Variants in LRMDA observed in about 807,000 individuals in gnomAD.
LRMDA encodes the protein leucine-rich melanocyte differentiation-associated protein.
LRMDA carries 18 observed loss-of-function variants against 29.8 expected under a neutral mutation model. The ratio of observed to expected loss-of-function variants is 0.60; its 90% CI spans 0.42 to 0.90. The LOEUF (loss-of-function observed/expected upper bound fraction) is 0.90, where lower values mean the gene tolerates loss of function less well. LRMDA is among the 40% of genes least tolerant of loss of function. The pLI is 0.00. For missense variants in LRMDA, 273 were observed against 273.9 expected (o/e 1.00, Z 0.02); for synonymous variants, 125 against 109.4 (o/e 1.14, Z -0.89).
intron 2 of LRMDA, among the ~76,000 whole-genome samples, chr10:75,618,102 T>C (rs1266292143): frequency 1.3e-5 from 2 of 152,236 alleles, no homozygotes; most frequent in African/African-American, 4.8e-5. Flanking sequence ...AAACTGCTCT[T>C]GTATTGCTGT....
intron 5 of LRMDA, among the ~76,000 whole-genome samples, chr10:76,266,632 T>A (rs2132315794): frequency 6.6e-6 from 1 of 152,300 alleles, no homozygotes; most frequent in African/African-American, 2.4e-5. Flanking sequence ...GGGCTTCAGC[T>A]TAGGTCTGTC....
intron 2 of LRMDA, among the ~76,000 whole-genome samples, chr10:75,770,684 G>A (rs1444055039): frequency 1.3e-5 from 2 of 152,168 alleles, no homozygotes; most frequent in Admixed American, 6.5e-5. Context: ...GTGGGGTGGG[G>A]CAAGAGAATG....
chr10:76,491,226 G>A (rs926081932), intron 6 of LRMDA, among the ~76,000 whole-genome samples: 46 of 151,918 alleles, frequency 3.0e-4, no homozygotes, highest in Non-Finnish European at 5.2e-4. Flanking sequence ...CAATTGCAGT[G>A]TTATAATATT....
At chr10:75,467,165 G>A (rs868021990) in intron 2 of LRMDA, among the ~76,000 whole-genome samples, 1 of 152,178 alleles carries the variant, frequency 6.6e-6, no homozygotes, top group African/African-American at 2.4e-5. Flanking sequence ...CCTGGAGGGG[G>A]TGGAAAGGGG....
chr10:75,952,513 T>C (rs1309955821), intron 2 of LRMDA, among the ~76,000 whole-genome samples: 2 of 152,120 alleles, frequency 1.3e-5, no homozygotes, highest in Non-Finnish European at 2.9e-5. Context: ...CTCTCTCTGA[T>C]CACACATTAC....
chr10:75,910,056 A>T (rs1466753306), intron 2 of LRMDA, among the ~76,000 whole-genome samples: 3 of 152,216 alleles, frequency 2.0e-5, no homozygotes, highest in Admixed American at 6.5e-5. Context: ...CATCGTGTTT[A>T]TAGAGAAATG....
intron 6 of LRMDA, among the ~76,000 whole-genome samples, chr10:76,542,767 T>A (rs1396346024): frequency 1.3e-5 from 2 of 152,226 alleles, no homozygotes; most frequent in Non-Finnish European, 2.9e-5. Flanking sequence ...GCTATATCCT[T>A]CAGATATGTC....
intron 2 of LRMDA, among the ~76,000 whole-genome samples, chr10:75,848,828 T>G (rs2132308595): frequency 6.6e-6 from 1 of 152,280 alleles, no homozygotes; most frequent in African/African-American, 2.4e-5. Flanking sequence ...CTCTTTTCTC[T>G]TTGGGAGGGA....
chr10:76,092,596 C>T (rs555029915), intron 5 of LRMDA, among the ~76,000 whole-genome samples: 3 of 152,348 alleles, frequency 2.0e-5, no homozygotes, highest in Non-Finnish European at 4.4e-5. Context: ...CAACATCTGA[C>T]AGACGCTATG....
At chr10:75,652,283 G>A (rs773345428) in intron 2 of LRMDA, among the ~76,000 whole-genome samples, 58 of 152,210 alleles carry the variant, frequency 3.8e-4, no homozygotes, top group Non-Finnish European at 6.8e-4. Context: ...CATGTCTTTG[G>A]ATTAGTGGAG....
At chr10:75,695,367 C>T (rs963324547) in intron 2 of LRMDA, among the ~76,000 whole-genome samples, 1 of 151,676 alleles carries the variant, frequency 6.6e-6, no homozygotes, top group Non-Finnish European at 1.5e-5. Context: ...TCTCTTATGT[C>T]TTAAAAATTG....
chr10:76,374,631 G>A (rs1413202070), intron 6 of LRMDA, among the ~76,000 whole-genome samples: 1 of 152,126 alleles, frequency 6.6e-6, no homozygotes, highest in African/African-American at 2.4e-5. Context: ...ACACAAATAA[G>A]CAGCGTCATT....
chr10:75,980,149 A>G (rs1847141246), intron 2 of LRMDA, among the ~76,000 whole-genome samples: 1 of 152,204 alleles, frequency 6.6e-6, no homozygotes, highest in East Asian at 1.9e-4. Context: ...ATAATTCGTG[A>G]TGGAGATTAA....
intron 2 of LRMDA, among the ~76,000 whole-genome samples, chr10:75,613,659 G>C (rs1484780193): frequency 6.6e-6 from 1 of 152,116 alleles, no homozygotes; most frequent in South Asian, 2.1e-4. Context: ...GATTTCTTAT[G>C]CAAAATGGGT....
At chr10:76,314,852 G>A (rs1484918283) in intron 5 of LRMDA, among the ~76,000 whole-genome samples, 3 of 152,088 alleles carry the variant, frequency 2.0e-5, no homozygotes, top group Non-Finnish European at 2.9e-5. Context: ...TGTCTACATC[G>A]CACAGCTAAT....
In LRMDA at chr10:75,748,860, C is replaced by A. The variant is rs550091770; in HGVS notation, c.132-287148C>A. ...ATCTAATTATGGCACATAATTAGGA[C>A]AAATACTAGTTTATGCAACTTTTAT... On this transcript the variant is annotated intron_variant, in intron 2 of 6. Coordinates refer to ENST00000611255, the MANE Select transcript of LRMDA (RefSeq NM_001305581.2). Among the ~76,000 whole-genome samples, 244 of 152,134 alleles carry A rather than the reference C, an allele frequency of 1.6e-3. 1 individual carries two copies. The highest frequency in any genetic ancestry group is 5.4e-3 in the African/African-American group (225 of 41,506).
chr10:76,314,364 G>A (rs1170955343), intron 5 of LRMDA, among the ~76,000 whole-genome samples: 2 of 152,134 alleles, frequency 1.3e-5, no homozygotes, highest in African/African-American at 4.8e-5. Context: ...GAGCCATCGT[G>A]CCCAGTCACA....
chr10:75,704,282 A>G (rs949644724), intron 2 of LRMDA, among the ~76,000 whole-genome samples: 18 of 152,342 alleles, frequency 1.2e-4, no homozygotes, highest in African/African-American at 4.3e-4. Flanking sequence ...GTATTGTTGC[A>G]AATGTACATC....
intron 2 of LRMDA, among the ~76,000 whole-genome samples, chr10:75,655,774 G>A (rs1041123641): frequency 1.3e-5 from 2 of 152,178 alleles, no homozygotes; most frequent in African/African-American, 2.4e-5. Context: ...TGGGCCTCGC[G>A]GTGTCTCTGC....
Sources: gnomAD v4.1 joint callset for allele counts (sites outside exome capture counted in the v4.1 genomes callset) on GRCh38, gnomAD v4.1.1 for gene constraint, MANE v1.5 for transcripts, NCBI Gene and HGNC (gene_info 2026-07-23, HGNC 2026-07-21) for gene names.